Variants in C10orf90 observed in about 807,000 individuals in gnomAD.
C10orf90 encodes chromosome 10 open reading frame 90.
C10orf90 carries 56 observed loss-of-function variants against 62.5 expected under a neutral mutation model. That is an observed-to-expected ratio of 0.90 (90% CI 0.72 to 1.12). The LOEUF (loss-of-function observed/expected upper bound fraction) is 1.12. Ranked by LOEUF, C10orf90 falls within the 50% of genes most tolerant of loss-of-function variation. The pLI is 0.00. For synonymous variants in C10orf90, 386 were observed against 340.4 expected (o/e 1.13, Z -1.47); for missense variants, 970 against 880.4 (o/e 1.10, Z -1.29).
At chr10:126,512,852 A>G (rs1303268541) in intron 3 of C10orf90, among the ~76,000 whole-genome samples, 2 of 152,216 alleles carry the variant, frequency 1.3e-5, no homozygotes, top group Non-Finnish European at 2.9e-5. Flanking sequence ...CAGGACCCCA[A>G]ATAACTTCCT....
chr10:126,561,613 G>A (rs775548121), intron 2 of C10orf90, among the ~76,000 whole-genome samples: 1 of 152,118 alleles, frequency 6.6e-6, no homozygotes, highest in Non-Finnish European at 1.5e-5. Flanking sequence ...CAGAAAGTCC[G>A]CAGTGCAATG....
chr10:126,454,643 T>C (rs1252781222), intron 7 of C10orf90, among the ~76,000 whole-genome samples: 1 of 151,828 alleles, frequency 6.6e-6, no homozygotes, highest in Non-Finnish European at 1.5e-5. Context: ...CCCTAATACT[T>C]GCAGGTACTG....
In C10orf90 at chr10:126,527,490, C is replaced by T. The variant is rs190795954; in HGVS notation, c.314-13551G>A. ...TGCCAATGAGTGAAAGAAGCAGTGACGATTCTCAGACTCCGTAAGGCAGCA... is the reference window on the plus strand; with the variant it reads ...TGCCAATGAGTGAAAGAAGCAGTGATGATTCTCAGACTCCGTAAGGCAGCA... On this transcript the variant is annotated intron_variant, in intron 2 of 9. Transcript: ENST00000488181. Among the ~76,000 whole-genome samples, 50 of 152,246 alleles carry T rather than the reference C, an allele frequency of 3.3e-4. No homozygotes were observed. The East Asian group carries it at 7.7e-3, about 24-fold the overall frequency.
intron 2 of C10orf90, among the ~76,000 whole-genome samples, chr10:126,622,014 T>C (rs538398944): frequency 6.6e-6 from 1 of 152,070 alleles, no homozygotes; most frequent in East Asian, 1.9e-4. Context: ...GCAAGCATCG[T>C]CCTGGCCTAT....
chr10:126,444,132 C>T (rs1057318455), intron 7 of C10orf90, among the ~76,000 whole-genome samples: 3 of 152,076 alleles, frequency 2.0e-5, no homozygotes, highest in African/African-American at 7.2e-5. Flanking sequence ...TGCCCACGCT[C>T]ACCACTCCTC....
At chr10:126,599,704 T>G (rs1460070581) in intron 2 of C10orf90, among the ~76,000 whole-genome samples, 1 of 152,208 alleles carries the variant, frequency 6.6e-6, no homozygotes, top group African/African-American at 2.4e-5. Flanking sequence ...AATAGGGGAT[T>G]AGGGCACTAA....
In C10orf90 at chr10:126,504,245, G is replaced by A. The variant is rs1862575607; in HGVS notation, c.1246C>T (p.Leu416=). 1.9e-6 allele frequency: 3 copies of A among 1,614,162 alleles called. No individual in the cohort carries two copies. Among genetic ancestry groups the A allele is most frequent in the Non-Finnish European group, 2.5e-6 (3 of 1,180,040 alleles). The change falls in exon 4 of 10, where the codon CTG becomes TTG. Residue 416 remains leucine (L), a synonymous_variant. Transcript: ENST00000488181. The surrounding 1 kb of genome is among the most constrained non-coding windows in gnomAD (Gnocchi z 4.1). ...LVNREPISEA[L]KQELLEGDQD... ...TCTCCCTCCAGGAGCTCCTGCTTCA[G>A]GGCTTCGCTTATTGGCTCTCTGTTC...
At chr10:126,595,734 C>T (rs74573250) in intron 2 of C10orf90, among the ~76,000 whole-genome samples, 3,466 of 152,198 alleles carry the variant, frequency 0.023, 147 homozygotes, top group African/African-American at 0.078. Flanking sequence ...TCAAATGAAA[C>T]TTTATCTAAA....
At chr10:126,464,291 C>T (rs1309463945) in intron 5 of C10orf90, among the ~76,000 whole-genome samples, 2 of 152,144 alleles carry the variant, frequency 1.3e-5, no homozygotes, top group African/African-American at 4.8e-5. Flanking sequence ...CCTGTGGAAG[C>T]CCCGTGCCTT....
At chr10:126,588,805 A>G (rs1352710622) in intron 2 of C10orf90, among the ~76,000 whole-genome samples, 4 of 152,190 alleles carry the variant, frequency 2.6e-5, no homozygotes, top group Non-Finnish European at 5.9e-5. Context: ...CTTCTCCTCC[A>G]ATTGACTGCA....
intron 4 of C10orf90, among the ~76,000 whole-genome samples, chr10:126,479,521 T>G (rs1280723762): frequency 3.3e-5 from 5 of 152,184 alleles, no homozygotes; most frequent in African/African-American, 4.8e-5. Context: ...AGGCCCTGAT[T>G]GTTCAATCCC....
intron 7 of C10orf90, among the ~76,000 whole-genome samples, chr10:126,454,041 C>G (rs772177120): frequency 7.0e-4 from 106 of 152,034 alleles, no homozygotes; most frequent in Non-Finnish European, 1.3e-3. Flanking sequence ...TAACCAGGGC[C>G]AGGTTCGAGG....
chr10:126,566,118 G>A (rs1406300054), intron 2 of C10orf90, among the ~76,000 whole-genome samples: 1 of 152,146 alleles, frequency 6.6e-6, no homozygotes, highest in East Asian at 1.9e-4. Context: ...CAGAAAGCCT[G>A]GCATTTATGC....
intron 8 of C10orf90, among the ~76,000 whole-genome samples, chr10:126,427,977 C>T (rs1404885804): frequency 6.6e-6 from 1 of 152,172 alleles, no homozygotes; most frequent in Non-Finnish European, 1.5e-5. Context: ...GGTCCCACCT[C>T]TGTTACTTCT....
At chr10:126,610,046 G>A (rs1845399697) in intron 2 of C10orf90, among the ~76,000 whole-genome samples, 1 of 152,144 alleles carries the variant, frequency 6.6e-6, no homozygotes, top group Admixed American at 6.5e-5. Flanking sequence ...AGGATCATGA[G>A]TGTCTGGGTT....
intron 2 of C10orf90, among the ~76,000 whole-genome samples, chr10:126,525,698 C>T (rs948386788): frequency 1.8e-4 from 28 of 152,170 alleles, no homozygotes; most frequent in Non-Finnish European, 3.8e-4. Context: ...TCAAGATGTT[C>T]ACACCACTGC....
At chr10:126,479,941 A>G (rs993730776) in intron 4 of C10orf90, among the ~76,000 whole-genome samples, 1 of 152,168 alleles carries the variant, frequency 6.6e-6, no homozygotes, top group Non-Finnish European at 1.5e-5. Context: ...AATTTCTTAC[A>G]TGGACACAGT....
In C10orf90 at chr10:126,504,462, C is replaced by T. The variant is rs765108360; in HGVS notation, c.1029G>A (p.Leu343=). The T allele has an allele frequency of 6.2e-7, 1 of 1,614,198 alleles. No individual in the cohort carries two copies. The highest frequency in any genetic ancestry group is 8.5e-7 in the Non-Finnish European group (1 of 1,180,036). Residue 343 remains leucine (L), a synonymous_variant, in exon 4 of 10, where the codon CTG becomes CTA. Coordinates refer to ENST00000488181, the MANE Select transcript of C10orf90 (RefSeq NM_001350921.2). This position sits in a 1 kb window ranked among gnomAD's most constrained non-coding sequence, Gnocchi z 4.1. ...PDTPLSGKSP[L]VFSSCVHLRV... is the part of the protein sequence containing the mutation. ...TGAGGTGGACACAGGAACTGAACAC[C>T]AGCGGGCTCTTTCCTGACAGTGGGG...
At chr10:126,524,140 A>G (rs1178022208) in intron 2 of C10orf90, among the ~76,000 whole-genome samples, 1 of 152,066 alleles carries the variant, frequency 6.6e-6, no homozygotes, top group African/African-American at 2.4e-5. Flanking sequence ...AGCACAAACT[A>G]GTTCTTGTTT....
Sources: allele counts gnomAD v4.1 joint callset (sites outside exome capture counted in the v4.1 genomes callset), GRCh38; gene constraint gnomAD v4.1.1; non-coding constraint Gnocchi (gnomAD v3.1); transcripts MANE v1.5; gene names NCBI Gene and HGNC (gene_info 2026-07-23, HGNC 2026-07-21).